The following RGS6 variants were observed in gnomAD, a reference collection of about 807,000 sequenced individuals.
RGS6 encodes regulator of G-protein signaling 6.
In RGS6, 30 loss-of-function variants were observed where a neutral mutation model predicts 78.5. That is an observed-to-expected ratio of 0.38 (90% confidence interval 0.29 to 0.52). The LOEUF is 0.52. Ranked by LOEUF, RGS6 falls within the 20% of genes least tolerant of loss-of-function variation. The pLI is 0.85. For missense variants in RGS6, 495 were observed against 609.7 expected, an observed-to-expected ratio of 0.81 and a Z score of 1.98; for synonymous variants, 206 against 206.0, an observed-to-expected ratio of 1.00 and a Z score of 0.00.
At chr14:72,324,565 C>T (rs1470372607) in intron 2 of RGS6, among the ~76,000 whole-genome samples, 3 of 150,794 alleles carry the variant, frequency 2.0e-5, no homozygotes, top group Non-Finnish European at 3.0e-5. Flanking sequence ...TCCAAGTGTA[C>T]TCATTGTTCA....
At chr14:72,066,845 G>A (rs143324576) in intron 2 of RGS6, among the ~76,000 whole-genome samples, 3,260 of 143,494 alleles carry the variant, frequency 0.023, 71 homozygotes, top group Middle Eastern at 0.038. Context: ...CAAAAGGTCT[G>A]ATTAGTCAAA....
At chr14:72,143,386 A>C (rs1234042535) in intron 2 of RGS6, among the ~76,000 whole-genome samples, 2 of 151,938 alleles carry the variant, frequency 1.3e-5, no homozygotes, top group African/African-American at 4.8e-5. Flanking sequence ...AAAAAACACA[A>C]AAAACTGTCT....
At chr14:72,204,467 G>A (rs1448040996) in intron 2 of RGS6, among the ~76,000 whole-genome samples, 1 of 152,114 alleles carries the variant, frequency 6.6e-6, no homozygotes, top group African/African-American at 2.4e-5. Flanking sequence ...TTCAACCTTT[G>A]TAAAACAAGG....
chr14:71,941,043 T>C (rs1309191904), intron 1 of RGS6, among the ~76,000 whole-genome samples: 1 of 152,178 alleles, frequency 6.6e-6, no homozygotes, highest in Non-Finnish European at 1.5e-5. Context: ...AGTGTAATCT[T>C]AGCAGATTTG....
At chr14:72,501,127 T>C (rs1036616122) in intron 13 of RGS6, among the ~76,000 whole-genome samples, 11 of 151,672 alleles carry the variant, frequency 7.3e-5, no homozygotes, top group Non-Finnish European at 1.5e-5. Flanking sequence ...CTGGGCTGGG[T>C]GAAGGGGTCC....
chr14:71,867,669 T>C, the RGS6 span, among the ~76,000 whole-genome samples: 1 of 152,044 alleles, frequency 6.6e-6, no homozygotes, highest in Non-Finnish European at 1.5e-5. Flanking sequence ...GAAAGAACCC[T>C]TGGAGAGATG....
chr14:72,627,584 G>A, the RGS6 span, among the ~76,000 whole-genome samples: 1 of 151,966 alleles, frequency 6.6e-6, no homozygotes, highest in Non-Finnish European at 1.5e-5. Flanking sequence ...ATCTGGTAGG[G>A]CTAGTTTCCA....
chr14:72,541,745 C>T (rs1037603757), intron 17 of RGS6: 6 of 1,048,076 alleles, frequency 5.7e-6, no homozygotes, highest in African/African-American at 3.2e-5. Flanking sequence ...TGACAGCCCC[C>T]GGAAGCTCTT....
At chr14:72,562,155 C>T (rs1388875428) in intron 17 of RGS6, among the ~76,000 whole-genome samples, 1 of 152,180 alleles carries the variant, frequency 6.6e-6, no homozygotes, top group Non-Finnish European at 1.5e-5. Flanking sequence ...AATTCCCATA[C>T]CACAAAAAGA....
chr14:72,212,895 C>T lies in RGS6; in HGVS notation c.85-139200C>T, dbSNP rs551222029. Among the ~76,000 whole-genome samples the T allele has an allele frequency of 9.5e-4, 144 of 152,322 alleles. 2 individuals are homozygous for T. Among genetic ancestry groups the T allele is most frequent in the Middle Eastern group, 6.8e-3 (2 of 294 alleles). On this transcript the variant is annotated intron_variant, in intron 2 of 17. Coordinates refer to ENST00000553525, the MANE Select transcript of RGS6 (RefSeq NM_001204424.2). Reference sequence around the variant, plus strand: ...GCAACTTCCTGACTCTTTTACGTCACTTTCTGAAAGGAAAGGGAACGTTTC... The same window carrying T: ...GCAACTTCCTGACTCTTTTACGTCATTTTCTGAAAGGAAAGGGAACGTTTC...
At chr14:72,004,340 A>G (rs2084100826) in intron 2 of RGS6, among the ~76,000 whole-genome samples, 1 of 152,240 alleles carries the variant, frequency 6.6e-6, no homozygotes, top group African/African-American at 2.4e-5. Flanking sequence ...AATTAAAACA[A>G]AAACAGTGAA....
chr14:72,624,511 G>T, the RGS6 span, among the ~76,000 whole-genome samples: 1 of 151,780 alleles, frequency 6.6e-6, no homozygotes, highest in Non-Finnish European at 1.5e-5. Context: ...GCTAATTTTT[G>T]TATTTTTAGT....
chr14:72,497,875 C>T (rs2096666263), intron 13 of RGS6, among the ~76,000 whole-genome samples: 1 of 151,774 alleles, frequency 6.6e-6, no homozygotes. Flanking sequence ...CCATTCTATC[C>T]TCACTTTTCA....
At chr14:72,041,452 C>T (rs1237421042) in intron 2 of RGS6, among the ~76,000 whole-genome samples, 1 of 152,190 alleles carries the variant, frequency 6.6e-6, no homozygotes, top group Admixed American at 6.5e-5. Context: ...TTCTCTGCAG[C>T]CCTAGATGTC....
intron 3 of RGS6, among the ~76,000 whole-genome samples, chr14:72,399,731 GACA>G (rs1015073530): frequency 5.3e-5 from 8 of 152,080 alleles, no homozygotes; most frequent in South Asian, 2.1e-4. Flanking sequence ...GCCTGGTGGT[GACA>G]AAATCTCTCA....
chr14:72,400,458 A>C (rs1439925676), intron 3 of RGS6, among the ~76,000 whole-genome samples: 1 of 152,176 alleles, frequency 6.6e-6, no homozygotes, highest in African/African-American at 2.4e-5. Flanking sequence ...TCATTCATTC[A>C]ACCAGTGTTT....
At chr14:72,496,773 A>G (rs1403546972) in intron 13 of RGS6, among the ~76,000 whole-genome samples, 1 of 152,156 alleles carries the variant, frequency 6.6e-6, no homozygotes, top group East Asian at 1.9e-4. Flanking sequence ...TTTAGTGTCT[A>G]TTACTTTGGA....
At chr14:72,370,574 CAT>C (rs766442343) in intron 3 of RGS6, among the ~76,000 whole-genome samples, 22 of 152,092 alleles carry the variant, frequency 1.4e-4, no homozygotes, top group Non-Finnish European at 2.8e-4. Context: ...TCAGGGTAAA[CAT>C]GTGTTAGGCC....
chr14:72,531,476 C>T (rs1598783343), intron 15 of RGS6, among the ~76,000 whole-genome samples: 2 of 146,476 alleles, frequency 1.4e-5, no homozygotes, highest in African/African-American at 5.0e-5. Flanking sequence ...TATTTAATTT[C>T]ATTTGAGTCC....
Sources: gnomAD v4.1 joint callset for allele counts (sites outside exome capture counted in the v4.1 genomes callset) on GRCh38, gnomAD v4.1.1 for gene constraint, MANE v1.5 for transcripts, NCBI Gene and HGNC (gene_info 2026-07-23, HGNC 2026-07-21) for gene names.